GRM7: variants seen among roughly 807,000 people sequenced by gnomAD.
GRM7 encodes glutamate metabotropic receptor 7, also known as metabotropic glutamate receptor 7.
In GRM7, 35 loss-of-function variants were observed where a neutral mutation model predicts 84.5. The ratio of observed to expected loss-of-function variants is 0.41; its 90% CI spans 0.32 to 0.55. GRM7 has a LOEUF of 0.55. GRM7 is among the 20% of genes least tolerant of loss of function. The pLI, the probability that GRM7 is intolerant of heterozygous loss-of-function variation, is 0.19. For synonymous variants in GRM7, 487 were observed against 455.1 expected (o/e 1.07, Z -0.89); for missense variants, 1,003 against 1,194.6 (o/e 0.84, Z 2.36).
chr3:6,899,926 C>T (rs1000563658), intron 1 of GRM7, among the ~76,000 whole-genome samples: 1 of 152,156 alleles, frequency 6.6e-6, no homozygotes, highest in African/African-American at 2.4e-5. Flanking sequence ...CTAAAATTCT[C>T]AAGTCAGTAT....
chr3:7,074,245 G>C (rs894250431), intron 1 of GRM7, among the ~76,000 whole-genome samples: 1 of 152,106 alleles, frequency 6.6e-6, no homozygotes, highest in Non-Finnish European at 1.5e-5. Flanking sequence ...ATGAGGCTTA[G>C]ATGTTGCACT....
chr3:7,609,592 G>T (rs541518758), intron 8 of GRM7, among the ~76,000 whole-genome samples: 1 of 151,918 alleles, frequency 6.6e-6, no homozygotes, highest in East Asian at 1.9e-4. Context: ...TGAATGTGGG[G>T]TTAGAAGCTG....
intron 7 of GRM7, among the ~76,000 whole-genome samples, chr3:7,568,163 T>G (rs1323229187): frequency 6.6e-6 from 1 of 152,206 alleles, no homozygotes; most frequent in African/African-American, 2.4e-5. Context: ...GAACTTTTCT[T>G]TATTTCCATG....
At chr3:7,019,184 G>A (rs1413763415) in intron 1 of GRM7, among the ~76,000 whole-genome samples, 1 of 152,128 alleles carries the variant, frequency 6.6e-6, no homozygotes, top group Non-Finnish European at 1.5e-5. Flanking sequence ...TTTTTTTGAA[G>A]ACTTTACTTT....
intron 7 of GRM7, among the ~76,000 whole-genome samples, chr3:7,550,585 G>GTT (rs1693418637): frequency 8.2e-6 from 1 of 122,610 alleles, no homozygotes; most frequent in African/African-American, 2.8e-5. Context: ...CTCTGTGTGT[G>GTT]TGTGTGTGTG....
intron 8 of GRM7, among the ~76,000 whole-genome samples, chr3:7,642,963 A>G (rs1698430429): frequency 6.6e-6 from 1 of 152,118 alleles, no homozygotes; most frequent in African/African-American, 2.4e-5. Context: ...ATACTTGATG[A>G]TTCAACACTG....
intron 7 of GRM7, among the ~76,000 whole-genome samples, chr3:7,518,954 C>G (rs1700491840): frequency 6.6e-6 from 1 of 151,992 alleles, no homozygotes; most frequent in Non-Finnish European, 1.5e-5. Context: ...GTGTAACAAT[C>G]TAGAGCACTT....
intron 9 of GRM7, among the ~76,000 whole-genome samples, chr3:7,712,487 C>T (rs1228972315): frequency 1.3e-5 from 2 of 151,974 alleles, no homozygotes; most frequent in Admixed American, 1.3e-4. Context: ...TCTCCTCCCA[C>T]CCTCACATCT....
chr3:7,100,145 T>G (rs1699061535), intron 1 of GRM7, among the ~76,000 whole-genome samples: 1 of 151,418 alleles, frequency 6.6e-6, no homozygotes, highest in African/African-American at 2.4e-5. Flanking sequence ...AATAGAAAAA[T>G]GGCACAGAAA....
At chr3:7,370,678 T>C (rs73809080) in intron 4 of GRM7, among the ~76,000 whole-genome samples, 29,228 of 151,724 alleles carry the variant, frequency 0.19, 3,445 homozygotes, top group African/African-American at 0.34. Flanking sequence ...AAGAATAATG[T>C]CTAAAAAATA....
intron 3 of GRM7, among the ~76,000 whole-genome samples, chr3:7,302,517 G>A (rs751264550): frequency 8.6e-5 from 13 of 151,788 alleles, no homozygotes; most frequent in Admixed American, 3.3e-4. Context: ...TTCAAACTTC[G>A]TCAGCACCTC....
At chr3:7,129,100 A>G (rs1693504751) in intron 1 of GRM7, among the ~76,000 whole-genome samples, 1 of 152,188 alleles carries the variant, frequency 6.6e-6, no homozygotes, top group South Asian at 2.1e-4. Flanking sequence ...GCACCAATTT[A>G]GTAGCTGGGA....
chr3:7,115,505 T>C (rs756967526), intron 1 of GRM7, among the ~76,000 whole-genome samples: 2 of 152,146 alleles, frequency 1.3e-5, no homozygotes, highest in Non-Finnish European at 1.5e-5. Context: ...ATAGATGCTA[T>C]AGGAATATTG....
chr3:7,320,680 C>CTGTGTGTGTG (rs1700742370), intron 4 of GRM7, among the ~76,000 whole-genome samples: 1 of 64,124 alleles, frequency 1.6e-5, no homozygotes, highest in Non-Finnish European at 3.0e-5. Context: ...AGTGGGTGAT[C>CTGTGTGTGTG]AGTGTGTGTG....
intron 2 of GRM7, among the ~76,000 whole-genome samples, chr3:7,179,033 G>A (rs1171348271): frequency 5.3e-5 from 8 of 152,200 alleles, no homozygotes; most frequent in African/African-American, 1.9e-4. Context: ...TTGAGCCTGG[G>A]AGGTGGAAGT....
chr3:7,094,260 G>C (rs892372853), intron 1 of GRM7, among the ~76,000 whole-genome samples: 1 of 152,142 alleles, frequency 6.6e-6, no homozygotes, highest in Non-Finnish European at 1.5e-5. Context: ...TAAAGAATGA[G>C]TATAAGAGAT....
intron 8 of GRM7, among the ~76,000 whole-genome samples, chr3:7,610,071 AG>A (rs1696778226): frequency 6.6e-6 from 1 of 152,140 alleles, no homozygotes; most frequent in Non-Finnish European, 1.5e-5. Flanking sequence ...TTTTGGAAAG[AG>A]GGGTGGTCAT....
intron 8 of GRM7, among the ~76,000 whole-genome samples, chr3:7,637,963 G>T (rs928140579): frequency 1.3e-5 from 2 of 152,156 alleles, no homozygotes; most frequent in African/African-American, 4.8e-5. Flanking sequence ...AACAGGAACG[G>T]CAGTGTCCAG....
intron 2 of GRM7, among the ~76,000 whole-genome samples, chr3:7,225,466 A>G (rs975760629): frequency 6.8e-6 from 1 of 147,710 alleles, no homozygotes; most frequent in Non-Finnish European, 1.5e-5. Context: ...AAGAAATTAT[A>G]ATTATAATAA....
Sources: allele counts gnomAD v4.1 joint callset (sites outside exome capture counted in the v4.1 genomes callset), GRCh38; gene constraint gnomAD v4.1.1; transcripts MANE v1.5; gene names NCBI Gene and HGNC (gene_info 2026-07-23, HGNC 2026-07-21).